The following COL6A6 variants were observed in gnomAD, a reference collection of about 807,000 sequenced individuals.
COL6A6 encodes collagen type VI alpha 6 chain.
COL6A6 carries 183 observed loss-of-function variants against 208.6 expected under a neutral mutation model. The observed-to-expected ratio is 0.88, with a 90% CI of 0.78 to 0.99. COL6A6 has a LOEUF of 0.99. Ranked by LOEUF, COL6A6 falls within the 50% of genes least tolerant of loss-of-function variation. The pLI is 0.00. For synonymous variants in COL6A6, 973 were observed against 1,011.8 expected (o/e 0.96, Z 0.73); for missense variants, 2,816 against 2,815.2 (o/e 1.00, Z -0.01).
chr3:130,593,438 A>G (rs2063770310), intron 17 of COL6A6, among the ~76,000 whole-genome samples, 186 bp downstream of exon 17: 1 of 152,186 alleles, frequency 6.6e-6, no homozygotes, highest in Non-Finnish European at 1.5e-5. Context: ...GAGGCTGGAC[A>G]TGGCTCATGT....
rs781623325 is a variant in COL6A6 at position 130,621,834 on chromosome 3, C to T, written c.4829C>T (p.Pro1610Leu). Residue 1610 changes from proline (P) to leucine (L), a missense_variant, in exon 24 of 37, where the codon CCC becomes CTC. Physicochemically the swap from Pro to Leu is moderately conservative, Grantham distance 98 (BLOSUM62 -3). Transcript: ENST00000358511. ...GSKGPQGPPG[P>L]GGEAGNQGRL... ...GTTTTGTTTCAGGGGCCTCCAGGACCCGGAGGAGAGGCAGGGAATCAAGGC... is the reference window on the plus strand; with the variant it reads ...GTTTTGTTTCAGGGGCCTCCAGGACTCGGAGGAGAGGCAGGGAATCAAGGC... The T allele has an allele frequency of 4.3e-6, 7 of 1,613,734 alleles. No homozygotes were observed. The highest frequency in any genetic ancestry group is 5.9e-6 in the Non-Finnish European group (7 of 1,179,774).
chr3:130,520,246 T>G (rs1157656607), intron 1 of COL6A6, among the ~76,000 whole-genome samples: 4 of 152,228 alleles, frequency 2.6e-5, no homozygotes, highest in African/African-American at 7.2e-5. Flanking sequence ...AGAAGAGTAT[T>G]ATATTTAGAT....
chr3:130,556,849 A>G (rs2062777787), intron 1 of COL6A6, among the ~76,000 whole-genome samples: 1 of 152,150 alleles, frequency 6.6e-6, no homozygotes, highest in Admixed American at 6.5e-5. Context: ...CTCCCTTGCT[A>G]CTGCCAGCCC....
In COL6A6 at chr3:130,546,411, A is replaced by G. The variant is rs539232540; in HGVS notation, c.-31-13923A>G. 1.2e-4 allele frequency among the ~76,000 whole-genome samples: 19 copies of G among 152,322 alleles called. No individual in the cohort carries two copies. In the East Asian group the frequency reaches 3.5e-3, roughly 28 times the overall value. ...TCTTCGAGGTGAGTGTTTACAGCTC[A>G]TAAAGGCAGTGCAGACCCAAAGAGT... On this transcript the variant is annotated intron_variant, in intron 1 of 36. Transcript: ENST00000358511.
intron 1 of COL6A6, among the ~76,000 whole-genome samples, chr3:130,539,157 G>A (rs2062294925): frequency 6.6e-6 from 1 of 152,164 alleles, no homozygotes; most frequent in South Asian, 2.1e-4. Context: ...TTTCTGCTGA[G>A]GTTGCATTGG....
rs535139590 is a variant in COL6A6, at chr3:130,645,110, C to A, written c.5239+108C>A. On this transcript the variant is annotated intron_variant, in intron 32 of 36. Coordinates refer to ENST00000358511, the MANE Select transcript of COL6A6 (RefSeq NM_001102608.3). ...GGCTTCCAAATGACACAAATTTTAT[C>A]TGGGCTTTCTTTGCTGCTGCCTCAT... 4.5e-5 allele frequency: 48 copies of A among 1,067,620 alleles called. 1 individual carries two copies. In the East Asian group the frequency reaches 1.1e-3, roughly 24 times the overall value. The allele number at this position is 1,067,620 out of a possible 1,614,324, so 66.1% of individuals were successfully genotyped here. A position where few individuals can be genotyped will look rare whatever the true frequency, so the allele number is the denominator to read the frequency against.
Position 130,590,292 on chromosome 3 carries a change from TATATATA to T in COL6A6, c.4219-748_4219-742del, listed in dbSNP as rs548394976. On this transcript the variant is annotated intron_variant, in intron 12 of 36. Transcript: ENST00000358511. Reference sequence around the variant, plus strand: ...ATATATATATATATATATATATATATATATATATTTTTTTTTTTTTTTTTTTTTTTTT... The same window carrying T: ...ATATATATATATATATATATATATATTTTTTTTTTTTTTTTTTTTTTTTTT... Among the ~76,000 whole-genome samples the T allele has an allele frequency of 2.1e-3, 53 of 25,134 alleles. 1 individual carries two copies. Among genetic ancestry groups the T allele is most frequent in the African/African-American group, 5.3e-3 (25 of 4,754 alleles). 16.5% of individuals were successfully genotyped at this position (25,134 alleles called of 152,430 possible). A position where few individuals can be genotyped will look rare whatever the true frequency, so the allele number is the denominator to read the frequency against.
intron 24 of COL6A6, among the ~76,000 whole-genome samples, chr3:130,625,519 C>T (rs1377874591): frequency 6.6e-6 from 1 of 152,040 alleles, no homozygotes; most frequent in Non-Finnish European, 1.5e-5. Flanking sequence ...TGAGAATGGC[C>T]TTTTACCTGT....
At chr3:130,576,424 A>C (rs2063298045) in intron 8 of COL6A6, among the ~76,000 whole-genome samples, 1 of 152,126 alleles carries the variant, frequency 6.6e-6, no homozygotes, top group African/African-American at 2.4e-5. Flanking sequence ...TTGATTTGGG[A>C]CTACTGACTC....
intron 1 of COL6A6, among the ~76,000 whole-genome samples, chr3:130,558,634 T>A (rs1274412687): frequency 6.6e-6 from 1 of 152,222 alleles, no homozygotes; most frequent in Non-Finnish European, 1.5e-5. Context: ...CCATTGTGAC[T>A]GTTTGCAAAC....
In COL6A6 at chr3:130,525,810, A is replaced by G. The variant is rs368145392; in HGVS notation, c.-32+8413A>G. 1.2e-4 allele frequency among the ~76,000 whole-genome samples: 18 copies of G among 152,260 alleles called. 1 individual carries two copies. In the East Asian group the frequency reaches 3.3e-3, roughly 28 times the overall value. On this transcript the variant is annotated intron_variant, in intron 1 of 36. Transcript: ENST00000358511. ...TTGCCACGAGAACTTTGCATCAGCT[A>G]TCCTCCCTTCCTGGAACATCACATT... is the stretch of plus-strand genomic sequence containing the variant.
Position 130,598,455 on chromosome 3 carries a change from G to A in COL6A6, c.4599+25G>A, listed in dbSNP as rs374639483. 109 of 1,478,784 alleles carry A rather than the reference G, an allele frequency of 7.4e-5. No individual in the cohort carries two copies. In the African/African-American group the frequency reaches 1.2e-3, roughly 16 times the overall value. 91.6% of individuals were successfully genotyped at this position (1,478,784 alleles called of 1,614,324 possible). On this transcript the variant is annotated intron_variant, in intron 19 of 36. Transcript: ENST00000358511. Reference sequence around the variant, plus strand: ...AGTAATTACGTGGGCTTGTAAAATCGTGATGCAACAACTGTGGGGCTTAAG... The same window carrying A: ...AGTAATTACGTGGGCTTGTAAAATCATGATGCAACAACTGTGGGGCTTAAG...
At chr3:130,665,570 C>T (rs1036080451) in intron 36 of COL6A6, among the ~76,000 whole-genome samples, 1 of 152,042 alleles carries the variant, frequency 6.6e-6, no homozygotes, top group African/African-American at 2.4e-5. Context: ...TTCCCACTGG[C>T]CTAATTTTGA....
chr3:130,521,203 G>A (rs1240544743), intron 1 of COL6A6, among the ~76,000 whole-genome samples: 1 of 152,152 alleles, frequency 6.6e-6, no homozygotes, highest in African/African-American at 2.4e-5. Flanking sequence ...GTTGGCAAAG[G>A]CATTTGTGTT....
At chr3:130,665,224 T>C (rs2066045017) in intron 36 of COL6A6, 128 bp downstream of exon 36, 1 of 583,570 alleles carries the variant, frequency 1.7e-6, no homozygotes. Context: ...TGCTACATGA[T>C]ATTAAAATAT....
In COL6A6 at chr3:130,592,580, A is replaced by T; in HGVS notation, c.4312A>T (p.Thr1438Ser). The change falls in exon 14 of 37, where the codon ACT (threonine) becomes TCT (serine). Residue 1438 changes from threonine to serine, a missense_variant. By Grantham distance (58) the Thr-to-Ser change is moderately conservative (BLOSUM62 1). Transcript: ENST00000358511. ...GAPGPVGEQG[T>S]KGCYGTKGPK... is the part of the protein sequence containing the mutation. ...CCCTGGACCAGTGGGAGAGCAAGGT[A>T]CTAAGGGATGCTATGGCACCAAAGG... The T allele has an allele frequency of 6.2e-7, 1 of 1,612,648 alleles. No individual in the cohort carries two copies. Among genetic ancestry groups the T allele is most frequent in the Non-Finnish European group, 8.5e-7 (1 of 1,179,082 alleles).
intron 1 of COL6A6, among the ~76,000 whole-genome samples, chr3:130,529,051 C>T (rs181280971): frequency 7.0e-4 from 106 of 152,258 alleles, no homozygotes; most frequent in Non-Finnish European, 1.4e-3. Context: ...GATCATGCCG[C>T]CACTGCACTC....
At position 130,563,179 on chromosome 3, in the gene COL6A6, T is replaced by C. The variant is rs1368745266; in HGVS notation, c.176T>C (p.Ile59Thr). Residue 59 changes from isoleucine to threonine, a missense_variant, in exon 3 of 37, where the codon ATA (isoleucine) becomes ACA (threonine). By Grantham distance (89) the Ile-to-Thr change is moderately conservative. Coordinates refer to ENST00000358511, the MANE Select transcript of COL6A6 (RefSeq NM_001102608.3). ...FITKMISSLP[I>T]EADKYRVALA... ...ACCAAAATGATCAGCAGTCTCCCCA[T>C]AGAGGCCGACAAATACCGTGTGGCC... 8 of 1,613,906 alleles carry C rather than the reference T, an allele frequency of 5.0e-6. No homozygotes were observed. Among genetic ancestry groups the C allele is most frequent in the East Asian group, 2.2e-5 (1 of 44,900 alleles).
chr3:130,640,131 TCTTTACTTCAC>T (rs1202219130), intron 28 of COL6A6, among the ~76,000 whole-genome samples: 1 of 152,190 alleles, frequency 6.6e-6, no homozygotes, highest in East Asian at 1.9e-4. Flanking sequence ...CAACTAAACA[TCTTTACTTCAC>T]CTTTTTCCCT....
Sources: allele counts gnomAD v4.1 joint callset (sites outside exome capture counted in the v4.1 genomes callset), GRCh38; gene constraint gnomAD v4.1.1; transcripts MANE v1.5; gene names NCBI Gene and HGNC (gene_info 2026-07-23, HGNC 2026-07-21).